Variants in TENM3 observed in about 807,000 individuals in gnomAD.
TENM3 encodes the protein teneurin-3.
In TENM3, 63 loss-of-function variants were observed where a neutral mutation model predicts 255.1. The observed-to-expected ratio is 0.25, with a 90% CI of 0.20 to 0.30. TENM3 has a LOEUF of 0.30. TENM3 is among the 10% of genes least tolerant of loss of function. TENM3 has a pLI of 1.00. For missense variants in TENM3, 2,929 were observed against 3,461.1 expected, an observed-to-expected ratio of 0.85 and a Z score of 3.86; for synonymous variants, 1,306 against 1,322.3, an observed-to-expected ratio of 0.99 and a Z score of 0.27.
At chr4:181,558,934 T>A in the TENM3 span, among the ~76,000 whole-genome samples, 1 of 152,218 alleles carries the variant, frequency 6.6e-6, no homozygotes. Context: ...GATATAATTA[T>A]GAATCTCACT....
Position 182,736,857 on chromosome 4 carries a change from A to T in TENM3, c.3017A>T (p.Tyr1006Phe). The T allele has an allele frequency of 6.2e-7, 1 of 1,613,758 alleles. No homozygotes were observed. Among genetic ancestry groups the T allele is most frequent in the Non-Finnish European group, 8.5e-7 (1 of 1,179,768 alleles). Residue 1006 changes from tyrosine to phenylalanine, a missense_variant, in exon 17 of 28, where the codon TAC becomes TTC. Around this residue, in one of 6 missense-constraint regions of TENM3, gnomAD observed 1,608 missense variants for 1,884.4 expected, o/e 0.85. Coordinates refer to ENST00000511685, the MANE Select transcript of TENM3 (RefSeq NM_001080477.4). ...CCAGGAACAGATTTGAAACTCTCCTACTTGAGTTCCAGAGCTGCAGGGTAT... is the reference window on the plus strand; with the variant it reads ...CCAGGAACAGATTTGAAACTCTCCTTCTTGAGTTCCAGAGCTGCAGGGTAT... ...TIPGTDLKLS[Y>F]LSSRAAGYKS...
chr4:181,840,673 CA>C, the TENM3 span, among the ~76,000 whole-genome samples: 2 of 152,012 alleles, frequency 1.3e-5, no homozygotes, highest in Non-Finnish European at 2.9e-5. Flanking sequence ...GGTTATTTTT[CA>C]TTTCCCTTGA....
the TENM3 span, among the ~76,000 whole-genome samples, chr4:181,743,706 TAA>T: frequency 1.3e-5 from 2 of 152,166 alleles, no homozygotes; most frequent in African/African-American, 2.4e-5. Flanking sequence ...ACATAAATTT[TAA>T]TTTTTCATCT....
chr4:182,554,064 G>A lies in TENM3; in HGVS notation c.512-46860G>A, dbSNP rs185573241. On this transcript the variant is annotated intron_variant, in intron 3 of 27. Transcript: ENST00000511685. ...CAATCTCAGACGCAAGTGTAAGTACGTACATAGAACCTGACAAAAATTTAT... is the reference window on the plus strand; with the variant it reads ...CAATCTCAGACGCAAGTGTAAGTACATACATAGAACCTGACAAAAATTTAT... Among the ~76,000 whole-genome samples, 43 of 152,200 alleles carry A rather than the reference G, an allele frequency of 2.8e-4. 1 individual carries two copies. Among genetic ancestry groups the A allele is most frequent in the African/African-American group, 1.0e-3 (42 of 41,516 alleles).
At chr4:182,104,936 G>C in the TENM3 span, among the ~76,000 whole-genome samples, 1 of 152,138 alleles carries the variant, frequency 6.6e-6, no homozygotes, top group African/African-American at 2.4e-5. Flanking sequence ...AAACTTGTTA[G>C]TAATGCAGCT....
At chr4:182,719,252 CTTTTTTT>C (rs11348241) in intron 13 of TENM3, among the ~76,000 whole-genome samples, 29 of 80,824 alleles carry the variant, frequency 3.6e-4, no homozygotes, top group South Asian at 5.8e-4. Flanking sequence ...TTTTTTTTTT[CTTTTTTT>C]TTTTTTTTTT....
At chr4:182,436,322 G>A (rs935641500) in intron 3 of TENM3, among the ~76,000 whole-genome samples, 2 of 152,158 alleles carry the variant, frequency 1.3e-5, no homozygotes, top group East Asian at 1.9e-4. Context: ...CATGGAAGGG[G>A]CAGGATTCAC....
At chr4:182,455,988 GA>G (rs1271081992) in intron 3 of TENM3, among the ~76,000 whole-genome samples, 2 of 152,156 alleles carry the variant, frequency 1.3e-5, no homozygotes. Context: ...CCACTAGGGG[GA>G]CAGGTTCTTT....
At chr4:181,625,655 A>AG in the TENM3 span, among the ~76,000 whole-genome samples, 7 of 152,018 alleles carry the variant, frequency 4.6e-5, no homozygotes, top group Non-Finnish European at 8.8e-5. Flanking sequence ...TACTAGAAAT[A>AG]CAAAAAAAAT....
At chr4:182,080,944 T>G in the TENM3 span, among the ~76,000 whole-genome samples, 82 of 152,178 alleles carry the variant, frequency 5.4e-4, no homozygotes, top group Middle Eastern at 6.8e-3. Flanking sequence ...TGAGCCATGA[T>G]GACACCACTG....
chr4:182,618,724 G>T (rs1354255541), intron 4 of TENM3, among the ~76,000 whole-genome samples: 1 of 152,004 alleles, frequency 6.6e-6, no homozygotes, highest in African/African-American at 2.4e-5. Flanking sequence ...TCGGTATACT[G>T]TGCGGGTCCA....
chr4:182,769,978 G>A (rs1764052493), intron 22 of TENM3, among the ~76,000 whole-genome samples: 2 of 148,308 alleles, frequency 1.3e-5, no homozygotes, highest in South Asian at 2.1e-4. Context: ...TGGTGGCGGG[G>A]GCCTCTAATC....
chr4:182,358,616 G>C (rs541658327), intron 3 of TENM3, among the ~76,000 whole-genome samples: 14 of 151,752 alleles, frequency 9.2e-5, no homozygotes, highest in African/African-American at 2.9e-4. Flanking sequence ...AGGAGATTTT[G>C]GGCTGAGACA....
At chr4:181,843,888 T>A in the TENM3 span, among the ~76,000 whole-genome samples, 1 of 151,810 alleles carries the variant, frequency 6.6e-6, no homozygotes, top group Non-Finnish European at 1.5e-5. Context: ...CCCAGCTAAT[T>A]TTCGTATTTT....
chr4:182,784,127 G>T (rs74934065), intron 24 of TENM3, among the ~76,000 whole-genome samples: 10 of 152,148 alleles, frequency 6.6e-5, no homozygotes, highest in South Asian at 2.1e-4. Context: ...GAGGAGAGGC[G>T]CTCTGCTTTT....
intron 3 of TENM3, among the ~76,000 whole-genome samples, chr4:182,449,710 A>T (rs114206292): frequency 0.013 from 1,988 of 152,364 alleles, 21 homozygotes; most frequent in Non-Finnish European, 0.02. Flanking sequence ...AAGCTTGCTC[A>T]TTAAAGAGCA....
At chr4:182,170,383 G>A (rs1561163554) in intron 1 of TENM3, among the ~76,000 whole-genome samples, 1 of 152,056 alleles carries the variant, frequency 6.6e-6, no homozygotes, top group African/African-American at 2.4e-5. Flanking sequence ...CAGTGTATTT[G>A]CTTTGCAAGT....
At chr4:182,513,101 A>G (rs1473568790) in intron 3 of TENM3, among the ~76,000 whole-genome samples, 4 of 152,228 alleles carry the variant, frequency 2.6e-5, no homozygotes, top group Non-Finnish European at 5.9e-5. Context: ...AAGTGAGGAT[A>G]GGATAGGGTT....
At chr4:181,547,997 C>T in the TENM3 span, among the ~76,000 whole-genome samples, 2 of 150,738 alleles carry the variant, frequency 1.3e-5, no homozygotes, top group Non-Finnish European at 3.0e-5. Context: ...GTGTGATGTT[C>T]CCCTTCCTGT....
Sources: gnomAD v4.1 joint callset for allele counts (sites outside exome capture counted in the v4.1 genomes callset) on GRCh38, gnomAD v4.1.1 for gene constraint, gnomAD v4.1.1 regional missense constraint, MANE v1.5 for transcripts, NCBI Gene and HGNC (gene_info 2026-07-23, HGNC 2026-07-21) for gene names.